Variants in GTF2F2 observed in about 807,000 individuals in gnomAD.
GTF2F2 encodes the protein general transcription factor IIF subunit 2.
A neutral mutation model predicts 42.2 loss-of-function variants in GTF2F2; 23 were observed. The observed-to-expected ratio is 0.55, with a 90% CI of 0.39 to 0.77. The LOEUF (loss-of-function observed/expected upper bound fraction) is 0.77, where lower values mean the gene tolerates loss of function less well. Among genes scored for constraint, GTF2F2 ranks in the 30% least tolerant of loss-of-function variants. GTF2F2 has a pLI of 0.00. For synonymous variants in GTF2F2, 105 were observed against 100.8 expected (o/e 1.04, Z -0.25); for missense variants, 261 against 287.2 (o/e 0.91, Z 0.66).
chr13:45,127,491 A>AT (rs1869080526), intron 1 of GTF2F2, among the ~76,000 whole-genome samples: 1 of 139,752 alleles, frequency 7.2e-6, no homozygotes, highest in Non-Finnish European at 1.6e-5. Flanking sequence ...ACGCCCAACT[A>AT]ATTTTTTTTT....
chr13:45,260,456 A>T (rs896588579), intron 6 of GTF2F2, among the ~76,000 whole-genome samples: 2 of 152,232 alleles, frequency 1.3e-5, no homozygotes, highest in African/African-American at 4.8e-5. Flanking sequence ...GGGAGGGGGA[A>T]TAATATCTCA....
chr13:45,194,492 G>T, intron 4 of GTF2F2: 2 of 1,614,092 alleles, frequency 1.2e-6, no homozygotes, highest in South Asian at 2.2e-5. Flanking sequence ...TTCTTTCCTT[G>T]ATCAGTATCT....
chr13:45,196,313 C>T lies in GTF2F2; in HGVS notation c.305-11111C>T, dbSNP rs115361263. Among the ~76,000 whole-genome samples the T allele has an allele frequency of 3.5e-3, 534 of 152,288 alleles. 5 individuals are homozygous for T. The highest frequency in any genetic ancestry group is 0.012 in the African/African-American group (518 of 41,564). Reference sequence around the variant, plus strand: ...TTTTAGTATTTTATCTAGGACTTCACAGCAAAGCCAACATTTTGACTAAAA... The same window carrying T: ...TTTTAGTATTTTATCTAGGACTTCATAGCAAAGCCAACATTTTGACTAAAA... On this transcript the variant is annotated intron_variant, in intron 4 of 7. Coordinates refer to ENST00000340473, the MANE Select transcript of GTF2F2 (RefSeq NM_004128.3).
intron 4 of GTF2F2, among the ~76,000 whole-genome samples, chr13:45,203,583 GT>G (rs1291898754): frequency 1.3e-5 from 2 of 151,978 alleles, no homozygotes; most frequent in African/African-American, 4.8e-5. Context: ...ATTCTACATA[GT>G]TTTTATAGAA....
chr13:45,239,506 C>A (rs1875172623), intron 5 of GTF2F2, among the ~76,000 whole-genome samples: 1 of 152,156 alleles, frequency 6.6e-6, no homozygotes, highest in Non-Finnish European at 1.5e-5. Context: ...TAAAACAAGA[C>A]AGGCACAAAA....
At chr13:45,239,186 C>T (rs1464289175) in intron 5 of GTF2F2, among the ~76,000 whole-genome samples, 1 of 152,022 alleles carries the variant, frequency 6.6e-6, no homozygotes, top group South Asian at 2.1e-4. Flanking sequence ...TTAGAAGTAA[C>T]GCCACTGCTT....
chr13:45,175,469 C>T (rs1344930018), intron 4 of GTF2F2, among the ~76,000 whole-genome samples: 2 of 152,122 alleles, frequency 1.3e-5, no homozygotes, highest in African/African-American at 4.8e-5. Flanking sequence ...AGTGGAATTG[C>T]TGGATCATAT....
intron 4 of GTF2F2, among the ~76,000 whole-genome samples, chr13:45,200,332 T>G (rs559452358): frequency 6.6e-6 from 1 of 152,296 alleles, no homozygotes; most frequent in East Asian, 1.9e-4. Flanking sequence ...AAATTAAATT[T>G]TATTTTTTGA....
chr13:45,158,959 A>C (rs1301298048), intron 4 of GTF2F2, among the ~76,000 whole-genome samples: 1 of 152,218 alleles, frequency 6.6e-6, no homozygotes, highest in South Asian at 2.1e-4. Flanking sequence ...TCTTGATTCA[A>C]AGTGGTTTTC....
chr13:45,165,806 CTTTTTTT>C (rs5803286), intron 4 of GTF2F2, among the ~76,000 whole-genome samples: 3 of 88,888 alleles, frequency 3.4e-5, no homozygotes, highest in African/African-American at 5.0e-5. Flanking sequence ...TCAGTACATT[CTTTTTTT>C]TTTTTTTTTT....
At chr13:45,175,616 C>T (rs1212369033) in intron 4 of GTF2F2, among the ~76,000 whole-genome samples, 4 of 152,032 alleles carry the variant, frequency 2.6e-5, no homozygotes, top group Admixed American at 2.6e-4. Context: ...CTTGGATTTG[C>T]CTGATTCTTT....
At chr13:45,162,823 A>G (rs1414886210) in intron 4 of GTF2F2, among the ~76,000 whole-genome samples, 1 of 152,212 alleles carries the variant, frequency 6.6e-6, no homozygotes, top group East Asian at 1.9e-4. Context: ...ACAGAAAAGT[A>G]TAGTGAATAG....
intron 7 of GTF2F2, among the ~76,000 whole-genome samples, chr13:45,280,206 T>C (rs1019658461): frequency 1.3e-5 from 2 of 150,672 alleles, no homozygotes; most frequent in Non-Finnish European, 3.0e-5. Context: ...TGAGGGGGAG[T>C]GTTGGAAGAT....
intron 4 of GTF2F2, among the ~76,000 whole-genome samples, chr13:45,156,053 G>A (rs1870742225): frequency 6.6e-6 from 1 of 152,012 alleles, no homozygotes. Flanking sequence ...TCCCACCTCA[G>A]CCTCCTGAGT....
intron 2 of GTF2F2, among the ~76,000 whole-genome samples, chr13:45,144,149 G>A (rs901240637): frequency 6.6e-6 from 1 of 152,048 alleles, no homozygotes; most frequent in Non-Finnish European, 1.5e-5. Flanking sequence ...CTCCTCGGGA[G>A]GCTGAGGCAG....
intron 1 of GTF2F2, among the ~76,000 whole-genome samples, chr13:45,126,380 T>C (rs1213642836): frequency 6.6e-6 from 1 of 151,526 alleles, no homozygotes; most frequent in Non-Finnish European, 1.5e-5. Flanking sequence ...GCCTCCTGAG[T>C]AGCTGGGATT....
At chr13:45,194,714 T>C in intron 4 of GTF2F2, 2 of 700,402 alleles carry the variant, frequency 2.9e-6, no homozygotes, top group Non-Finnish European at 2.4e-6. Flanking sequence ...CAGCTCGGTT[T>C]TGCAGTAGGT....
chr13:45,127,320 C>CT (rs113045599), intron 1 of GTF2F2, among the ~76,000 whole-genome samples: 33,041 of 147,614 alleles, frequency 0.22, 3,893 homozygotes, highest in African/African-American at 0.28. Flanking sequence ...GCACAATCTG[C>CT]TTTTTTTTTT....
chr13:45,265,179 A>G (rs1056941038), intron 6 of GTF2F2, among the ~76,000 whole-genome samples: 3 of 151,998 alleles, frequency 2.0e-5, no homozygotes, highest in Non-Finnish European at 4.4e-5. Flanking sequence ...AAATCACTTG[A>G]ACCCAGGAGG....
Sources: allele counts gnomAD v4.1 joint callset (sites outside exome capture counted in the v4.1 genomes callset), GRCh38; gene constraint gnomAD v4.1.1; transcripts MANE v1.5; gene names NCBI Gene and HGNC (gene_info 2026-07-23, HGNC 2026-07-21).